SLCO6A1: variants seen among roughly 807,000 people sequenced by gnomAD.
SLCO6A1 encodes the protein cancer/testis antigen 48.
SLCO6A1 carries 65 observed loss-of-function variants against 72.7 expected under a neutral mutation model. That is an observed-to-expected ratio of 0.89 (90% CI 0.73 to 1.10). SLCO6A1 has a LOEUF of 1.10. Among genes scored for constraint, SLCO6A1 ranks in the 50% least tolerant of loss-of-function variants. The pLI is 0.00. For missense variants in SLCO6A1, 874 were observed against 872.6 expected (o/e 1.00, Z -0.02); for synonymous variants, 314 against 298.2 (o/e 1.05, Z -0.55).
intron 10 of SLCO6A1, among the ~76,000 whole-genome samples, chr5:102,396,339 A>T (rs1429722797): frequency 1.3e-5 from 2 of 152,088 alleles, no homozygotes; most frequent in African/African-American, 2.4e-5. Flanking sequence ...TTTGTCAAAG[A>T]TCAGATGGTT....
intron 4 of SLCO6A1, among the ~76,000 whole-genome samples, chr5:102,469,003 T>G (rs1222303129): frequency 6.6e-6 from 1 of 152,190 alleles, no homozygotes; most frequent in Middle Eastern, 3.2e-3. Context: ...GCCTCTGTTC[T>G]GTTCCATTGG....
intron 12 of SLCO6A1, among the ~76,000 whole-genome samples, chr5:102,374,874 T>A (rs1045702111): frequency 6.6e-6 from 1 of 152,172 alleles, no homozygotes. Context: ...AGGCAAATTA[T>A]CTGAAAATGA....
At chr5:102,497,550 G>C (rs1447905298) in intron 1 of SLCO6A1, among the ~76,000 whole-genome samples, 1 of 152,184 alleles carries the variant, frequency 6.6e-6, no homozygotes, top group Non-Finnish European at 1.5e-5. Flanking sequence ...TGGAGGAGGT[G>C]AGGCACCCAA....
chr5:102,463,610 G>A (rs531589331), intron 4 of SLCO6A1, among the ~76,000 whole-genome samples: 216 of 152,274 alleles, frequency 1.4e-3, no homozygotes, highest in South Asian at 3.7e-3. Context: ...AAATAGGCCG[G>A]GCACGGTGGC....
At chr5:102,373,973 A>G (rs1745633521) in intron 12 of SLCO6A1, among the ~76,000 whole-genome samples, 1 of 152,112 alleles carries the variant, frequency 6.6e-6, no homozygotes, top group Non-Finnish European at 1.5e-5. Flanking sequence ...CAAGCATTAT[A>G]CAAATGTACT....
intron 12 of SLCO6A1, among the ~76,000 whole-genome samples, chr5:102,381,791 A>G (rs1272035735): frequency 2.0e-5 from 3 of 147,150 alleles, no homozygotes; most frequent in Non-Finnish European, 4.5e-5. Context: ...TCTCATTGCA[A>G]TTTTCACTTG....
At chr5:102,467,420 A>T (rs979097207) in intron 4 of SLCO6A1, among the ~76,000 whole-genome samples, 3 of 151,912 alleles carry the variant, frequency 2.0e-5, no homozygotes, top group African/African-American at 7.3e-5. Context: ...TAAAAAAAAA[A>T]ATAACAAAAC....
intron 11 of SLCO6A1, among the ~76,000 whole-genome samples, chr5:102,389,314 A>C (rs539832267): frequency 1.3e-5 from 2 of 152,254 alleles, no homozygotes; most frequent in Non-Finnish European, 2.9e-5. Context: ...TAGTAGCCCC[A>C]GATTCAGATG....
chr5:102,449,641 C>T (rs1220716245), intron 6 of SLCO6A1, among the ~76,000 whole-genome samples: 1 of 152,072 alleles, frequency 6.6e-6, no homozygotes, highest in East Asian at 1.9e-4. Context: ...CCGCCTCGGC[C>T]CCCCAAAGTG....
intron 11 of SLCO6A1, among the ~76,000 whole-genome samples, chr5:102,389,063 T>G (rs1746585697): frequency 6.6e-6 from 1 of 152,228 alleles, no homozygotes; most frequent in Non-Finnish European, 1.5e-5. Context: ...CTGTTTAGAA[T>G]GTTGTACATG....
intron 12 of SLCO6A1, among the ~76,000 whole-genome samples, chr5:102,385,560 A>T (rs1746365262): frequency 6.6e-6 from 1 of 151,690 alleles, no homozygotes; most frequent in African/African-American, 2.4e-5. Context: ...AAGCTCACTG[A>T]TTCTTTCTTC....
intron 4 of SLCO6A1, among the ~76,000 whole-genome samples, chr5:102,474,258 C>A (rs1043383614): frequency 1.3e-5 from 2 of 151,788 alleles, no homozygotes; most frequent in Non-Finnish European, 2.9e-5. Flanking sequence ...AATAGAGAAC[C>A]CAGAAATAAA....
intron 13 of SLCO6A1, 115 bp downstream of exon 13, chr5:102,373,222 A>G: frequency 1.6e-6 from 1 of 633,796 alleles, no homozygotes; most frequent in Non-Finnish European, 2.2e-6. Flanking sequence ...AAAATATAAT[A>G]AAATATATAG....
chr5:102,494,999 T>C (rs975380635), intron 1 of SLCO6A1, among the ~76,000 whole-genome samples: 1 of 152,160 alleles, frequency 6.6e-6, no homozygotes, highest in Non-Finnish European at 1.5e-5. Flanking sequence ...AACGCAAATG[T>C]CCATCAACTA....
rs373223911 is a variant in SLCO6A1, at chr5:102,390,813, T to G, written c.1879+168A>C. Among the ~76,000 whole-genome samples the G allele has an allele frequency of 6.6e-5, 10 of 152,180 alleles. No individual in the cohort carries two copies. In the East Asian group the frequency reaches 1.9e-3, roughly 29 times the overall value. ...TTTGATAATTAGAATGAGCTTTGCA[T>G]TAGGTATTCCCTCTTTACATTGTCT... On this transcript the variant is annotated intron_variant, in intron 11 of 13. Coordinates refer to ENST00000506729, the MANE Select transcript of SLCO6A1 (RefSeq NM_173488.5).
intron 8 of SLCO6A1, among the ~76,000 whole-genome samples, chr5:102,419,585 C>G (rs1363354078): frequency 1.3e-5 from 2 of 152,164 alleles, no homozygotes; most frequent in Non-Finnish European, 2.9e-5. Flanking sequence ...TTCCAAACCT[C>G]TTCAATGTGT....
chr5:102,492,748 C>A (rs1289683092), intron 1 of SLCO6A1, among the ~76,000 whole-genome samples: 1 of 152,238 alleles, frequency 6.6e-6, no homozygotes, highest in African/African-American at 2.4e-5. Context: ...TATCCCGCTC[C>A]TGGCTCAGAG....
intron 1 of SLCO6A1, among the ~76,000 whole-genome samples, chr5:102,491,664 C>A (rs72779996): frequency 6.6e-6 from 1 of 152,254 alleles, no homozygotes; most frequent in Admixed American, 6.5e-5. Context: ...GAGCTCACGC[C>A]CACCCAGAAC....
intron 7 of SLCO6A1, among the ~76,000 whole-genome samples, chr5:102,437,380 T>C (rs1245545767): frequency 1.3e-5 from 2 of 152,198 alleles, no homozygotes; most frequent in Non-Finnish European, 2.9e-5. Context: ...TTTTTTAAGA[T>C]AGACCTTGAT....
Sources: allele counts gnomAD v4.1 joint callset (sites outside exome capture counted in the v4.1 genomes callset), GRCh38; gene constraint gnomAD v4.1.1; transcripts MANE v1.5; gene names NCBI Gene and HGNC (gene_info 2026-07-23, HGNC 2026-07-21).